The following LZTS1 variants were observed in gnomAD, a reference collection of about 807,000 sequenced individuals.
The protein encoded by LZTS1 is leucine zipper putative tumor suppressor 1.
LZTS1 carries 31 observed loss-of-function variants against 45.8 expected under a neutral mutation model. The ratio of observed to expected loss-of-function variants is 0.68; its 90% CI spans 0.51 to 0.91. LZTS1 has a LOEUF of 0.91. LZTS1 is among the 40% of genes least tolerant of loss of function. LZTS1 has a pLI of 0.00. For missense variants in LZTS1, 821 were observed against 788.9 expected (o/e 1.04, Z -0.49); for synonymous variants, 359 against 357.3 (o/e 1.00, Z -0.05).
intron 1 of LZTS1, among the ~76,000 whole-genome samples, chr8:20,267,339 T>A (rs1325932094): frequency 6.6e-6 from 1 of 151,834 alleles, no homozygotes; most frequent in Admixed American, 6.6e-5. Context: ...GGAGTTGGGG[T>A]AGGAGGGCGG....
At chr8:20,252,680 C>T (rs772215964) in intron 3 of LZTS1, 102 bp downstream of exon 3, 5 of 1,047,152 alleles carry the variant, frequency 4.8e-6, no homozygotes, top group Non-Finnish European at 4.0e-6. Context: ...CGCTTGCCTG[C>T]GCGGTCTGTG....
chr8:20,252,552 A>G (rs980643630), intron 3 of LZTS1, among the ~76,000 whole-genome samples: 1 of 152,146 alleles, frequency 6.6e-6, no homozygotes, highest in African/African-American at 2.4e-5. Flanking sequence ...TGGGAAACTG[A>G]AATCTAGGAG....
intron 1 of LZTS1, among the ~76,000 whole-genome samples, chr8:20,302,816 A>C (rs1394278428): frequency 6.6e-6 from 1 of 152,206 alleles, no homozygotes; most frequent in Non-Finnish European, 1.5e-5. Context: ...TGCGAAGCTA[A>C]CAAGTCTGGA....
chr8:20,269,873 C>A (rs148312448), intron 1 of LZTS1, among the ~76,000 whole-genome samples: 1 of 152,318 alleles, frequency 6.6e-6, no homozygotes, highest in East Asian at 1.9e-4. Flanking sequence ...CCAGGGTCTT[C>A]CATGGAGGGA....
chr8:20,275,413 A>G (rs1800561141), intron 1 of LZTS1, among the ~76,000 whole-genome samples: 1 of 151,826 alleles, frequency 6.6e-6, no homozygotes, highest in Non-Finnish European at 1.5e-5. Context: ...TCAAAAAAAA[A>G]AAAAAAAAAG....
rs574451517 is a variant in LZTS1 at position 20,249,945 on chromosome 8, G to C, written c.1568C>G (p.Ser523Trp). Residue 523 changes from serine (S) to tryptophan (W), a missense_variant, in exon 4 of 4, where the codon TCG (serine) becomes TGG (tryptophan). Ser to Trp is a radical substitution (Grantham distance 177, BLOSUM62 -3). Coordinates refer to ENST00000381569, the MANE Select transcript of LZTS1 (RefSeq NM_021020.5). ...CACGAGCCGCTCATGCTGGAAGCCC[G>C]AGGACATCTGGTCATGGCCTTGCCG... is the stretch of plus-strand genomic sequence containing the variant. ...EERQGHDQMS[S>W]GFQHERLVWK... The C allele has an allele frequency of 1.9e-6, 3 of 1,614,130 alleles. No individual in the cohort carries two copies. Among genetic ancestry groups the C allele is most frequent in the Non-Finnish European group, 2.5e-6 (3 of 1,180,020 alleles).
chr8:20,254,872 G>C lies in LZTS1; in HGVS notation c.310C>G (p.Pro104Ala), dbSNP rs200437710. 1 of 1,613,544 alleles carries C rather than the reference G, an allele frequency of 6.2e-7. No individual in the cohort carries two copies. The highest frequency in any genetic ancestry group is 8.5e-7 in the Non-Finnish European group (1 of 1,179,596). Residue 104 changes from proline (P) to alanine (A), a missense_variant, in exon 2 of 4, where the codon CCC becomes GCC. By Grantham distance (27) the Pro-to-Ala change is conservative. Coordinates refer to ENST00000381569, the MANE Select transcript of LZTS1 (RefSeq NM_021020.5). ...TGATTGGAGAAGGGCATGAGCTTGG[G>C]GGGTGTGGACGGGTCAAAGTCCACC... ...AGVDFDPSTP[P>A]KLMPFSNQLE... is the part of the protein sequence containing the mutation.
chr8:20,294,475 C>G lies in LZTS1; in HGVS notation c.-135+9265G>C, dbSNP rs370323784. 3.2e-4 allele frequency among the ~76,000 whole-genome samples: 49 copies of G among 152,294 alleles called. No homozygotes were observed. The East Asian group carries it at 5.4e-3, about 17-fold the overall frequency. On this transcript the variant is annotated intron_variant, in intron 1 of 3. Transcript: ENST00000381569. Reference sequence around the variant, plus strand: ...CCCAGGCCTCCTTCAGGGGCCGGCTCGCTTTACAGTGCAGGTGGAGGCTGG... The same window carrying G: ...CCCAGGCCTCCTTCAGGGGCCGGCTGGCTTTACAGTGCAGGTGGAGGCTGG...
chr8:20,269,267 G>A (rs1320107123), intron 1 of LZTS1, among the ~76,000 whole-genome samples: 1 of 152,168 alleles, frequency 6.6e-6, no homozygotes, highest in Non-Finnish European at 1.5e-5. Flanking sequence ...CTCTTCTGAC[G>A]ACCCGTGATA....
chr8:20,251,143 AT>A (rs1799895009), intron 3 of LZTS1, among the ~76,000 whole-genome samples: 7 of 112,748 alleles, frequency 6.2e-5, no homozygotes, highest in Non-Finnish European at 9.1e-5. Context: ...ATATATATAT[AT>A]ATATAAAATA....
intron 1 of LZTS1, among the ~76,000 whole-genome samples, chr8:20,282,527 C>G (rs964814014): frequency 1.3e-5 from 2 of 152,236 alleles, no homozygotes; most frequent in African/African-American, 4.8e-5. Context: ...TCTTGACTAG[C>G]TGTAAGAACT....
intron 1 of LZTS1, among the ~76,000 whole-genome samples, chr8:20,277,775 A>G (rs967367088): frequency 6.6e-5 from 10 of 152,188 alleles, no homozygotes; most frequent in African/African-American, 2.4e-4. Flanking sequence ...ATCTGGTGCA[A>G]GATCCAAAAC....
rs1179285395 is a variant in LZTS1 at position 20,258,582 on chromosome 8, CT to C, written c.-134-3268del. Reference sequence around the variant, plus strand: ...GTTTAATATGTTTTGATGTGAAAAGCTTTTATTGAATTGATGGCTTTGTATA... The same window carrying C: ...GTTTAATATGTTTTGATGTGAAAAGCTTTATTGAATTGATGGCTTTGTATA... On this transcript the variant is annotated intron_variant, in intron 1 of 3. Transcript: ENST00000381569. Among the ~76,000 whole-genome samples, 4 of 152,204 alleles carry C rather than the reference CT, an allele frequency of 2.6e-5. No individual in the cohort carries two copies. The East Asian group carries it at 7.7e-4, about 29-fold the overall frequency.
At chr8:20,256,847 G>A (rs1294639287) in intron 1 of LZTS1, among the ~76,000 whole-genome samples, 2 of 152,258 alleles carry the variant, frequency 1.3e-5, no homozygotes, top group East Asian at 3.9e-4. Flanking sequence ...TCAGAGCTGG[G>A]AGTGTGGAAG....
intron 1 of LZTS1, among the ~76,000 whole-genome samples, chr8:20,278,634 T>C (rs1411308383): frequency 6.6e-6 from 1 of 152,224 alleles, no homozygotes; most frequent in Non-Finnish European, 1.5e-5. Context: ...CTCTGTCTAA[T>C]TCTTTCTCTG....
At chr8:20,265,657 C>A in intron 1 of LZTS1, among the ~76,000 whole-genome samples, 1 of 105,968 alleles carries the variant, frequency 9.4e-6, no homozygotes, top group Non-Finnish European at 1.7e-5. Context: ...CCAGCCTGGG[C>A]AACAGAGAGA....
At chr8:20,294,217 C>G (rs1800945229) in intron 1 of LZTS1, among the ~76,000 whole-genome samples, 1 of 152,156 alleles carries the variant, frequency 6.6e-6, no homozygotes, top group Admixed American at 6.5e-5. Flanking sequence ...AGAAGTAAGT[C>G]CAACATCAAG....
At chr8:20,251,232 A>G (rs1312909251) in intron 3 of LZTS1, among the ~76,000 whole-genome samples, 1 of 149,800 alleles carries the variant, frequency 6.7e-6, no homozygotes, top group Non-Finnish European at 1.5e-5. Context: ...TGTATTTACA[A>G]TCACCTGGAT....
In LZTS1 at chr8:20,280,871, C is replaced by T. The variant is rs563356504; in HGVS notation, c.-135+22869G>A. Among the ~76,000 whole-genome samples the T allele has an allele frequency of 1.1e-4, 16 of 152,302 alleles. No homozygotes were observed. In the South Asian group the frequency reaches 2.7e-3, roughly 26 times the overall value. On this transcript the variant is annotated intron_variant, in intron 1 of 3. Transcript: ENST00000381569. ...ATTCAAGGCTCTCTAAAAAACCGCT[C>T]ACAAGTACCTCCCAGACTTACCTTC...
Sources: gnomAD v4.1 joint callset for allele counts (sites outside exome capture counted in the v4.1 genomes callset) on GRCh38, gnomAD v4.1.1 for gene constraint, MANE v1.5 for transcripts, NCBI Gene and HGNC (gene_info 2026-07-23, HGNC 2026-07-21) for gene names.